NOVA1: variants seen among roughly 807,000 people sequenced by gnomAD.
NOVA1 encodes RNA-binding protein Nova-1.
Under a neutral mutation model 38.0 loss-of-function variants are expected in NOVA1, and 7 were observed. The observed-to-expected ratio is 0.18, with a 90% CI of 0.10 to 0.35. The LOEUF (loss-of-function observed/expected upper bound fraction) is 0.35, where lower values mean the gene tolerates loss of function less well. NOVA1 is among the 10% of genes least tolerant of loss of function. The pLI is 1.00. For missense variants in NOVA1, 460 were observed against 616.0 expected (o/e 0.75, Z 2.68); for synonymous variants, 270 against 232.5 (o/e 1.16, Z -1.47).
In NOVA1 at chr14:26,480,223, G is replaced by A. The variant is rs192401890; in HGVS notation, c.281-80C>T. On this transcript the variant is annotated intron_variant, in intron 2 of 4. Transcript: ENST00000539517. ...TTATGAAAAAGGATGATATCATAAC[G>A]CCAAAAAAATGTAAAATGCAGAACT... is the stretch of plus-strand genomic sequence containing the variant. 57 of 1,257,594 alleles carry A rather than the reference G, an allele frequency of 4.5e-5. No homozygotes were observed. In the African/African-American group the frequency reaches 5.6e-4, roughly 12 times the overall value. 77.9% of individuals were successfully genotyped at this position (1,257,594 alleles called of 1,614,324 possible). A position where few individuals can be genotyped will look rare whatever the true frequency, so the allele number is the denominator to read the frequency against.
At chr14:26,473,953 C>T (rs1300948456) in intron 3 of NOVA1, among the ~76,000 whole-genome samples, 1 of 151,960 alleles carries the variant, frequency 6.6e-6, no homozygotes, top group African/African-American at 2.4e-5. Context: ...CATTTCCAAT[C>T]ATTAAAAATT....
chr14:26,453,367 C>G (rs560957445), intron 4 of NOVA1, among the ~76,000 whole-genome samples: 1 of 151,780 alleles, frequency 6.6e-6, no homozygotes, highest in African/African-American at 2.4e-5. Context: ...GCCACTGTAC[C>G]CAGCTTAATA....
At chr14:26,504,955 G>A (rs1296502807) in intron 2 of NOVA1, among the ~76,000 whole-genome samples, 2 of 152,074 alleles carry the variant, frequency 1.3e-5, no homozygotes, top group Non-Finnish European at 2.9e-5. Flanking sequence ...TAAGTAAGCA[G>A]AGGGCATGGG....
intron 2 of NOVA1, among the ~76,000 whole-genome samples, chr14:26,547,421 T>G (rs1890859436): frequency 6.6e-6 from 1 of 152,142 alleles, no homozygotes; most frequent in African/African-American, 2.4e-5. Flanking sequence ...CAGAAATATA[T>G]TCAATAAAAA....
intron 2 of NOVA1, among the ~76,000 whole-genome samples, chr14:26,589,898 C>T (rs917445522): frequency 2.0e-5 from 3 of 151,788 alleles, no homozygotes; most frequent in Non-Finnish European, 4.4e-5. Context: ...ATGGAAATTT[C>T]ATCAACCCAA....
At chr14:26,583,365 T>C (rs1893332774) in intron 2 of NOVA1, among the ~76,000 whole-genome samples, 2 of 151,658 alleles carry the variant, frequency 1.3e-5, no homozygotes, top group African/African-American at 4.8e-5. Context: ...AATACAGATA[T>C]CAATTTTAAG....
At position 26,448,284 on chromosome 14, in the gene NOVA1, C is replaced by T. The variant is rs1288978804; in HGVS notation, c.1199G>A (p.Gly400Glu). 1 of 1,614,176 alleles carries T rather than the reference C, an allele frequency of 6.2e-7. No individual in the cohort carries two copies. Among genetic ancestry groups the T allele is most frequent in the Admixed American group, 1.7e-5 (1 of 60,014 alleles). The change falls in exon 5 of 5, where the codon GGA (glycine) becomes GAA (glutamate). Residue 400 changes from glycine to glutamate, a missense_variant. Gly to Glu is a moderately conservative substitution (Grantham distance 98). Transcript: ENST00000539517. This position sits in a 1 kb window ranked among gnomAD's most constrained non-coding sequence, Gnocchi z 5.3. ...ACTGGCAGCTAGGGGAGAAGCAGCT[C>T]CAAAATATCCATTGGTTGCAGCAGT... ...AATAATNGYF[G>E]AASPLAASAI...
At chr14:26,582,311 A>C (rs1893273912) in intron 2 of NOVA1, among the ~76,000 whole-genome samples, 1 of 151,816 alleles carries the variant, frequency 6.6e-6, no homozygotes, top group Non-Finnish European at 1.5e-5. Context: ...TTTTTAACGC[A>C]ATCTCCTGAC....
At position 26,595,512 on chromosome 14, in the gene NOVA1, C is replaced by CATA; in HGVS notation, c.175_177dup (p.Tyr59dup). 1 of 1,613,784 alleles carries CATA rather than the reference C, an allele frequency of 6.2e-7. No individual in the cohort carries two copies. The highest frequency in any genetic ancestry group is 8.5e-7 in the Non-Finnish European group (1 of 1,179,804). On this transcript the variant is annotated inframe_insertion, in exon 2 of 5. Coordinates refer to ENST00000539517, the MANE Select transcript of NOVA1 (RefSeq NM_002515.3). ...CCCTTCCCAATTATAGATCCAGCAG[C>CATA]ATAACTAGGTATGAGAACCTTTAGA... is the stretch of plus-strand genomic sequence containing the variant.
chr14:26,569,845 T>C lies in NOVA1; in HGVS notation c.280+25565A>G, dbSNP rs543258231. On this transcript the variant is annotated intron_variant, in intron 2 of 4. Transcript: ENST00000539517. ...CAACAGCATACTATTCCTTAGTTTA[T>C]ATTATGATCTTCACTTTCACTATCA... is the stretch of plus-strand genomic sequence containing the variant. Among the ~76,000 whole-genome samples, 26 of 152,330 alleles carry C rather than the reference T, an allele frequency of 1.7e-4. 1 individual carries two copies. In the South Asian group the frequency reaches 5.2e-3, roughly 30 times the overall value.
chr14:26,508,893 A>G (rs1887845070), intron 2 of NOVA1, among the ~76,000 whole-genome samples: 1 of 151,954 alleles, frequency 6.6e-6, no homozygotes, highest in South Asian at 2.1e-4. Context: ...ATGTTTAAAT[A>G]TATGAAAGAT....
chr14:26,517,104 A>G (rs974310953), intron 2 of NOVA1, among the ~76,000 whole-genome samples: 1 of 151,796 alleles, frequency 6.6e-6, no homozygotes, highest in African/African-American at 2.4e-5. Flanking sequence ...ACGGGGTTTC[A>G]CTGTGTTAGC....
At chr14:26,507,063 G>A (rs1887690598) in intron 2 of NOVA1, among the ~76,000 whole-genome samples, 1 of 152,086 alleles carries the variant, frequency 6.6e-6, no homozygotes, top group African/African-American at 2.4e-5. Flanking sequence ...TATCCTGGTT[G>A]CTATGTGCTA....
chr14:26,492,916 GAGTGAGGCTCTGTCTCAAAAAAAA>G (rs1388826248), intron 2 of NOVA1, among the ~76,000 whole-genome samples: 1 of 151,902 alleles, frequency 6.6e-6, no homozygotes, highest in Non-Finnish European at 1.5e-5. Context: ...CTGGGCTACA[GAGTGAGGCTCTGTCTCAAAAAAAA>G]AATTAAAATT....
chr14:26,490,842 G>GTT (rs71121880), intron 2 of NOVA1, among the ~76,000 whole-genome samples: 763 of 70,766 alleles, frequency 0.011, 6 homozygotes, highest in African/African-American at 0.013. Context: ...CATCTGGCTA[G>GTT]TTTTTTTTTT....
intron 2 of NOVA1, among the ~76,000 whole-genome samples, chr14:26,576,605 G>T (rs978474421): frequency 4.0e-5 from 6 of 151,542 alleles, no homozygotes; most frequent in Non-Finnish European, 8.9e-5. Context: ...GTGTCTGTGT[G>T]TGTGTATATA....
At chr14:26,538,378 C>T (rs1890248145) in intron 2 of NOVA1, among the ~76,000 whole-genome samples, 4 of 151,902 alleles carry the variant, frequency 2.6e-5, no homozygotes, top group Admixed American at 2.6e-4. Flanking sequence ...GACATGATGT[C>T]ATTTATTTTA....
intron 2 of NOVA1, 24 bp downstream of exon 2, chr14:26,595,386 C>T (rs1165897044): frequency 1.4e-5 from 22 of 1,603,588 alleles, no homozygotes; most frequent in Non-Finnish European, 1.9e-5. Context: ...GCTCATCAAA[C>T]AATCTCTTCA....
rs1301982015 is a variant in NOVA1, at chr14:26,446,223, A to C, written c.*1736T>G. ...ATGAATTATTAATAGTGGAAGGGGA[A>C]GGGATCAGGAAATAATTTCAAGTTC... On this transcript the variant is annotated 3_prime_UTR_variant, in exon 5 of 5. Coordinates refer to ENST00000539517, the MANE Select transcript of NOVA1 (RefSeq NM_002515.3). The C allele has an allele frequency of 6.6e-6, 1 of 152,640 alleles. No individual in the cohort carries two copies. The highest frequency in any genetic ancestry group is 2.4e-5 in the African/African-American group (1 of 41,462). 9.5% of individuals were successfully genotyped at this position (152,640 alleles called of 1,614,324 possible).
Sources: gnomAD v4.1 joint callset for allele counts (sites outside exome capture counted in the v4.1 genomes callset) on GRCh38, gnomAD v4.1.1 for gene constraint, Gnocchi (gnomAD v3.1) non-coding constraint, MANE v1.5 for transcripts, NCBI Gene and HGNC (gene_info 2026-07-23, HGNC 2026-07-21) for gene names.